The following CLCN3 variants were observed in gnomAD, a reference collection of about 807,000 sequenced individuals.
CLCN3 encodes the protein Cl-/H+ antiporter 3.
Under a neutral mutation model 83.4 loss-of-function variants are expected in CLCN3, and 16 were observed. The ratio of observed to expected loss-of-function variants is 0.19; its 90% CI spans 0.13 to 0.29. CLCN3 has a LOEUF of 0.29. Ranked by LOEUF, CLCN3 falls within the 10% of genes least tolerant of loss-of-function variation. CLCN3 has a pLI of 1.00. For missense variants in CLCN3, 544 were observed against 1,006.0 expected (o/e 0.54, Z 6.21); for synonymous variants, 322 against 346.2 (o/e 0.93, Z 0.78).
intron 1 of CLCN3, among the ~76,000 whole-genome samples, chr4:169,635,474 T>A (rs941899543): frequency 1.3e-5 from 2 of 152,126 alleles, no homozygotes; most frequent in African/African-American, 4.8e-5. Context: ...TATTTTAAAA[T>A]TTTTTAATTG....
At chr4:169,637,434 C>G (rs1488368817) in intron 2 of CLCN3, among the ~76,000 whole-genome samples, 3 of 152,072 alleles carry the variant, frequency 2.0e-5, no homozygotes, top group Non-Finnish European at 2.9e-5. Context: ...AGGAGGATTG[C>G]TCGAGGCCAG....
rs762722384 is a variant in CLCN3, at chr4:169,695,601, C to T, written c.937-11C>T. On this transcript the variant is annotated splice_polypyrimidine_tract_variant and intron_variant, in intron 7 of 12. Coordinates refer to ENST00000513761, the MANE Select transcript of CLCN3 (RefSeq NM_001829.4). Reference sequence around the variant, plus strand: ...TATGAAATTATGAAATAAGCCATATCCTCTTTCTAGGTGCTATCAGCTGCC... The same window carrying T: ...TATGAAATTATGAAATAAGCCATATTCTCTTTCTAGGTGCTATCAGCTGCC... 3.8e-6 allele frequency: 6 copies of T among 1,594,128 alleles called. No homozygotes were observed. Among genetic ancestry groups the T allele is most frequent in the African/African-American group, 2.7e-5 (2 of 74,382 alleles).
At chr4:169,688,743 C>T (rs1732255516) in intron 4 of CLCN3, among the ~76,000 whole-genome samples, 1 of 152,020 alleles carries the variant, frequency 6.6e-6, no homozygotes, top group Non-Finnish European at 1.5e-5. Flanking sequence ...GATTTGTGAA[C>T]CTCCTGCCAA....
rs990778634 is a variant in CLCN3 at position 169,620,723 on chromosome 4, A to G, written c.-357A>G. On this transcript the variant is annotated 5_prime_UTR_variant, in exon 1 of 13. The change abolishes an upstream ATG in the 5' untranslated region. Coordinates refer to ENST00000513761, the MANE Select transcript of CLCN3 (RefSeq NM_001829.4). ...TCCTACTTTACTCCCGAGTTAGAGC[A>G]TGGATTCAGTTTTAGTCTTAAGGGG... The G allele has an allele frequency of 5.0e-6, 2 of 398,560 alleles. No individual in the cohort carries two copies. Among genetic ancestry groups the G allele is most frequent in the African/African-American group, 4.1e-5 (2 of 48,644 alleles). The allele number at this position is 398,560 out of a possible 1,614,324, so 24.7% of individuals were successfully genotyped here.
intron 2 of CLCN3, among the ~76,000 whole-genome samples, chr4:169,642,229 C>T (rs1334445239): frequency 1.3e-5 from 2 of 151,998 alleles, no homozygotes; most frequent in African/African-American, 4.8e-5. Context: ...CCACCATGCC[C>T]GATTTACCAG....
At chr4:169,647,865 C>T (rs1362848037) in intron 2 of CLCN3, among the ~76,000 whole-genome samples, 1 of 152,136 alleles carries the variant, frequency 6.6e-6, no homozygotes, top group African/African-American at 2.4e-5. Context: ...ACCTGGAAAA[C>T]ACTATCTTAG....
At chr4:169,679,933 CGAGGGA>C (rs1247150867) in intron 2 of CLCN3, 111 bp from the exon 3 acceptor site, 6 of 791,040 alleles carry the variant, frequency 7.6e-6, no homozygotes, top group South Asian at 3.1e-5. Flanking sequence ...GAGGTGGAGA[CGAGGGA>C]GAGGGAGAGG....
intron 2 of CLCN3, among the ~76,000 whole-genome samples, chr4:169,665,749 T>C (rs907355500): frequency 6.6e-6 from 1 of 152,242 alleles, no homozygotes; most frequent in East Asian, 1.9e-4. Context: ...GTGTGTCTTA[T>C]GTAACAGTAA....
At chr4:169,652,344 A>G (rs1230089018) in intron 2 of CLCN3, among the ~76,000 whole-genome samples, 5 of 152,310 alleles carry the variant, frequency 3.3e-5, no homozygotes, top group Non-Finnish European at 5.9e-5. Flanking sequence ...GAAGTATATA[A>G]TTTAGGATTG....
At chr4:169,704,529 A>G (rs148083276) in intron 10 of CLCN3, among the ~76,000 whole-genome samples, 47 of 152,346 alleles carry the variant, frequency 3.1e-4, no homozygotes, top group Non-Finnish European at 3.2e-4. Context: ...TGGCTTACCT[A>G]TAACAACTAT....
At chr4:169,662,209 A>G (rs1386533950) in intron 2 of CLCN3, among the ~76,000 whole-genome samples, 1 of 152,192 alleles carries the variant, frequency 6.6e-6, no homozygotes, top group African/African-American at 2.4e-5. Flanking sequence ...ATAATCCTTT[A>G]AGAATCTTGC....
intron 11 of CLCN3, among the ~76,000 whole-genome samples, chr4:169,710,690 T>G (rs141167315): frequency 1.6e-4 from 24 of 152,366 alleles, no homozygotes; most frequent in African/African-American, 5.3e-4. Flanking sequence ...ATTACATATT[T>G]TGTCATTAAA....
Position 169,690,536 on chromosome 4 carries a change from G to T in CLCN3, c.613G>T (p.Gly205Cys). 6.2e-7 allele frequency: 1 copy of T among 1,609,460 alleles called. No homozygotes were observed. The highest frequency in any genetic ancestry group is 8.5e-7 in the Non-Finnish European group (1 of 1,178,722). ...CGAACTATTTTCTTTTTAGGGTCCT[G>T]GTTCTTATATCATGAACTACATAAT... ...ELIIGQAEGP[G>C]SYIMNYIMYI... Residue 205 changes from glycine (G) to cysteine (C), a missense_variant, in exon 6 of 13, where the codon GGT (glycine) becomes TGT (cysteine). Physicochemically the swap from Gly to Cys is radical, Grantham distance 159 (BLOSUM62 -3). Transcript: ENST00000513761.
At chr4:169,624,701 G>A (rs1323397725) in intron 1 of CLCN3, among the ~76,000 whole-genome samples, 1 of 152,124 alleles carries the variant, frequency 6.6e-6, no homozygotes, top group African/African-American at 2.4e-5. Context: ...AATAAAAACT[G>A]TGTTCATATT....
intron 2 of CLCN3, among the ~76,000 whole-genome samples, chr4:169,657,389 T>C (rs10008199): frequency 0.16 from 24,334 of 152,114 alleles, 3,099 homozygotes; most frequent in African/African-American, 0.36. Context: ...CCTAGTTTGG[T>C]TTTTTCCTGA....
chr4:169,647,426 T>C (rs1343347865), intron 2 of CLCN3, among the ~76,000 whole-genome samples: 2 of 152,022 alleles, frequency 1.3e-5, no homozygotes, highest in African/African-American at 4.8e-5. Context: ...CTTTAGGTCT[T>C]AGTAATGACT....
Position 169,694,764 on chromosome 4 carries a change from A to G in CLCN3, c.937-848A>G, listed in dbSNP as rs1732501942. Among the ~76,000 whole-genome samples the G allele has an allele frequency of 2.0e-5, 3 of 152,292 alleles. No homozygotes were observed. The South Asian group carries it at 6.2e-4, about 32-fold the overall frequency. ...TGAGGCAGGAGAATCACTTGAACCC[A>G]GGAGGTGGAGGTTGCAGTGAGCTGA... On this transcript the variant is annotated intron_variant, in intron 7 of 12. Coordinates refer to ENST00000513761, the MANE Select transcript of CLCN3 (RefSeq NM_001829.4).
At chr4:169,624,462 T>TTTCA (rs1773181984) in intron 1 of CLCN3, among the ~76,000 whole-genome samples, 1 of 152,014 alleles carries the variant, frequency 6.6e-6, no homozygotes, top group African/African-American at 2.4e-5. Flanking sequence ...AGGGACAGGG[T>TTTCA]TTCACCCTGT....
At chr4:169,640,623 C>G (rs1215850931) in intron 2 of CLCN3, among the ~76,000 whole-genome samples, 7 of 152,072 alleles carry the variant, frequency 4.6e-5, no homozygotes, top group African/African-American at 1.7e-4. Context: ...AATTCAGATT[C>G]CATGGAAAAT....
Sources: gnomAD v4.1 joint callset for allele counts (sites outside exome capture counted in the v4.1 genomes callset) on GRCh38, gnomAD v4.1.1 for gene constraint, MANE v1.5 for transcripts, NCBI Gene and HGNC (gene_info 2026-07-23, HGNC 2026-07-21) for gene names.